The following ACVR1 variants were observed in gnomAD, a reference collection of about 807,000 sequenced individuals.
ACVR1 encodes the protein activin A receptor type 1, also known as activin receptor type-1.
In ACVR1, 38 loss-of-function variants were observed where a neutral mutation model predicts 57.1. The ratio of observed to expected loss-of-function variants is 0.67; its 90% confidence interval spans 0.51 to 0.87. The LOEUF (loss-of-function observed/expected upper bound fraction) is 0.87, where lower values mean the gene tolerates loss of function less well. Ranked by LOEUF, ACVR1 falls within the 40% of genes least tolerant of loss-of-function variation. The pLI is 0.00. For synonymous variants in ACVR1, 212 were observed against 228.1 expected (o/e 0.93, Z 0.63); for missense variants, 463 against 638.2 (o/e 0.73, Z 2.96).
At chr2:157,821,296 T>A (rs1216995446) in intron 1 of ACVR1, among the ~76,000 whole-genome samples, 6 of 152,074 alleles carry the variant, frequency 3.9e-5, no homozygotes, top group Admixed American at 3.9e-4. Context: ...GAGGCCGAGG[T>A]GGGTGGACCA....
At chr2:157,868,632 A>G (rs1163499732) in intron 1 of ACVR1, among the ~76,000 whole-genome samples, 1 of 152,210 alleles carries the variant, frequency 6.6e-6, no homozygotes, top group African/African-American at 2.4e-5. Context: ...TCTCAAAATA[A>G]CATCCAATTG....
intron 9 of ACVR1, among the ~76,000 whole-genome samples, chr2:157,751,010 C>T (rs1350522161): frequency 6.6e-6 from 1 of 152,094 alleles, no homozygotes; most frequent in Non-Finnish European, 1.5e-5. Context: ...CACCATAAAC[C>T]TTTGCTCCAA....
At chr2:157,775,437 A>G (rs1349761055) in intron 5 of ACVR1, among the ~76,000 whole-genome samples, 1 of 152,240 alleles carries the variant, frequency 6.6e-6, no homozygotes, top group Non-Finnish European at 1.5e-5. Flanking sequence ...TTGACTTAAT[A>G]TTCCCCAAAG....
rs143618300 is a variant in ACVR1, at chr2:157,828,697, A to C, written c.-182-10138T>G. 5.7e-3 allele frequency among the ~76,000 whole-genome samples: 874 copies of C among 152,286 alleles called. 10 individuals are homozygous for C. The highest frequency in any genetic ancestry group is 0.02 in the African/African-American group (830 of 41,560). On this transcript the variant is annotated intron_variant, in intron 1 of 10. Coordinates refer to ENST00000434821, the MANE Select transcript of ACVR1 (RefSeq NM_001111067.4). ...ACTAATTAAAGAAAAAAATGTAAAA[A>C]TAACATAATACTTTTTATTTAATTT...
chr2:157,819,487 A>G (rs980230166), intron 1 of ACVR1: 6 of 98,550 alleles, frequency 6.1e-5, no homozygotes, highest in African/African-American at 1.9e-4. Flanking sequence ...CAAGAGCGAA[A>G]CTCTGTCTCA....
At chr2:157,817,587 T>C (rs1220811385) in intron 2 of ACVR1, among the ~76,000 whole-genome samples, 1 of 152,298 alleles carries the variant, frequency 6.6e-6, no homozygotes, top group Middle Eastern at 3.4e-3. Flanking sequence ...TGTACTACTC[T>C]GGTGTGGGAT....
intron 1 of ACVR1, among the ~76,000 whole-genome samples, chr2:157,835,195 T>C (rs116322369): frequency 0.011 from 1,631 of 152,228 alleles, 13 homozygotes; most frequent in Non-Finnish European, 0.017. Flanking sequence ...TCAACCACTA[T>C]GCCCCCTTCC....
intron 1 of ACVR1, among the ~76,000 whole-genome samples, chr2:157,871,579 G>C (rs1229903204): frequency 2.6e-5 from 4 of 152,196 alleles, no homozygotes; most frequent in African/African-American, 9.7e-5. Flanking sequence ...AGTCAACAAT[G>C]AAGTAACTCT....
chr2:157,758,936 C>A (rs1357497846), intron 9 of ACVR1, among the ~76,000 whole-genome samples: 1 of 151,978 alleles, frequency 6.6e-6, no homozygotes, highest in Admixed American at 6.6e-5. Context: ...AAAAAAAATT[C>A]TTGAAACAAA....
chr2:157,764,400 G>C (rs1685785690), intron 8 of ACVR1, among the ~76,000 whole-genome samples: 1 of 150,066 alleles, frequency 6.7e-6, no homozygotes. Context: ...TAGAGATGGG[G>C]TTTCATCACG....
intron 2 of ACVR1, chr2:157,806,649 CA>C (rs1687558100): frequency 1.3e-5 from 2 of 152,160 alleles, no homozygotes; most frequent in Admixed American, 1.3e-4. Flanking sequence ...CAGCTTGTGC[CA>C]AACTACCTGG....
intron 1 of ACVR1, among the ~76,000 whole-genome samples, chr2:157,826,102 T>C (rs1485281894): frequency 6.6e-6 from 1 of 152,174 alleles, no homozygotes; most frequent in Non-Finnish European, 1.5e-5. Context: ...CAGCTCATGA[T>C]CTCAGGCACT....
At chr2:157,851,159 A>G (rs988343240) in intron 1 of ACVR1, among the ~76,000 whole-genome samples, 1 of 152,188 alleles carries the variant, frequency 6.6e-6, no homozygotes, top group Non-Finnish European at 1.5e-5. Context: ...TAGCAAACGG[A>G]AAGTTAACTT....
chr2:157,796,762 C>T (rs562375778), intron 3 of ACVR1, among the ~76,000 whole-genome samples: 5 of 151,890 alleles, frequency 3.3e-5, no homozygotes, highest in African/African-American at 1.2e-4. Context: ...TATCAAGTAT[C>T]CCCTGGGGGA....
chr2:157,825,358 C>A, intron 1 of ACVR1, among the ~76,000 whole-genome samples: 1 of 152,090 alleles, frequency 6.6e-6, no homozygotes, highest in Middle Eastern at 3.2e-3. Flanking sequence ...TCCATGGAGT[C>A]AAATCAATTC....
At chr2:157,780,825 C>T (rs578080038) in intron 3 of ACVR1, among the ~76,000 whole-genome samples, 23 of 151,226 alleles carry the variant, frequency 1.5e-4, no homozygotes, top group African/African-American at 5.5e-4. Flanking sequence ...AGCTGTGCAC[C>T]CTTTTAGATC....
At chr2:157,742,986 C>T (rs1423986688) in intron 9 of ACVR1, among the ~76,000 whole-genome samples, 1 of 152,088 alleles carries the variant, frequency 6.6e-6, no homozygotes, top group African/African-American at 2.4e-5. Flanking sequence ...TCCATCAGTG[C>T]CGTCCATGGG....
At chr2:157,792,856 A>C (rs879233517) in intron 3 of ACVR1, among the ~76,000 whole-genome samples, 2 of 152,190 alleles carry the variant, frequency 1.3e-5, no homozygotes, top group Non-Finnish European at 2.9e-5. Context: ...TGTGAGTCAC[A>C]GTCAAAAGTT....
chr2:157,758,349 G>A (rs564299508), intron 9 of ACVR1, among the ~76,000 whole-genome samples: 1 of 152,032 alleles, frequency 6.6e-6, no homozygotes, highest in South Asian at 2.1e-4. Context: ...GAAACCCACA[G>A]ATACAAAAAG....
Sources: gnomAD v4.1 joint callset for allele counts (sites outside exome capture counted in the v4.1 genomes callset) on GRCh38, gnomAD v4.1.1 for gene constraint, MANE v1.5 for transcripts, NCBI Gene and HGNC (gene_info 2026-07-23, HGNC 2026-07-21) for gene names.